Variants in NOTCH1 observed in about 807,000 individuals in gnomAD.
NOTCH1 encodes notch receptor 1.
A neutral mutation model predicts 254.8 loss-of-function variants in NOTCH1; 37 were observed. That is an observed-to-expected ratio of 0.15 (90% CI 0.11 to 0.19). The LOEUF is 0.19. Ranked by LOEUF, NOTCH1 falls within the 10% of genes least tolerant of loss-of-function variation. The pLI is 1.00. For missense variants in NOTCH1, 2,972 were observed against 3,708.6 expected, an observed-to-expected ratio of 0.80 and a Z score of 5.16; for synonymous variants, 1,731 against 1,618.1, an observed-to-expected ratio of 1.07 and a Z score of -1.68.
At chr9:136,518,444 C>A in intron 6 of NOTCH1, 147 bp downstream of exon 6, 1 of 1,150,236 alleles carries the variant, frequency 8.7e-7, no homozygotes, top group South Asian at 1.3e-5. Flanking sequence ...TTCCGGGGGA[C>A]TCACAGCGAC....
Position 136,545,666 on chromosome 9 carries a change from C to T in NOTCH1, c.61+60G>A. On this transcript the variant is annotated intron_variant, in intron 1 of 33. Coordinates refer to ENST00000651671, the MANE Select transcript of NOTCH1 (RefSeq NM_017617.5). The surrounding 1 kb of genome is among the most constrained non-coding windows in gnomAD (Gnocchi z 6.8). Reference sequence around the variant, plus strand: ...CCAGCCGTGGGGCGCGCGCGCCGGGCGCCGCCAAAGTTTCCAAAGGGCGCG... The same window carrying T: ...CCAGCCGTGGGGCGCGCGCGCCGGGTGCCGCCAAAGTTTCCAAAGGGCGCG... The T allele has an allele frequency of 1.5e-6, 2 of 1,354,118 alleles. No homozygotes were observed. The highest frequency in any genetic ancestry group is 2.0e-6 in the Non-Finnish European group (2 of 1,025,022). 83.9% of individuals were successfully genotyped at this position (1,354,118 alleles called of 1,614,324 possible).
Position 136,515,602 on chromosome 9 carries a change from T to G in NOTCH1, c.1784A>C (p.Tyr595Ser), listed in dbSNP as rs2133363856. 4 of 1,609,872 alleles carry G rather than the reference T, an allele frequency of 2.5e-6. No individual in the cohort carries two copies. Among genetic ancestry groups the G allele is most frequent in the Non-Finnish European group, 3.4e-6 (4 of 1,179,566 alleles). Residue 595 changes from tyrosine (Y) to serine (S), a missense_variant, in exon 11 of 34, where the codon TAC becomes TCC. Tyr to Ser is a moderately radical substitution (Grantham distance 144). Coordinates refer to ENST00000651671, the MANE Select transcript of NOTCH1 (RefSeq NM_017617.5). ...ATFTCLCRPGYTGHHCETNIN... is the reference protein window; with the variant it reads ...ATFTCLCRPGSTGHHCETNIN... ...GTTGGTCTCGCAGTGGTGGCCCGTG[T>G]AGCCTGGGCGGCAGAGGCAGGTGAA...
At position 136,545,696 on chromosome 9, in the gene NOTCH1, G is replaced by A. The variant is rs1843805372; in HGVS notation, c.61+30C>T. 2.8e-6 allele frequency: 4 copies of A among 1,441,550 alleles called. No homozygotes were observed. The African/African-American group carries it at 4.5e-5, about 16-fold the overall frequency. 89.3% of individuals were successfully genotyped at this position (1,441,550 alleles called of 1,614,324 possible). Reference sequence around the variant, plus strand: ...CCAAAGTTTCCAAAGGGCGCGGAAAGTGGGGGCTCGCGGGTGGGTGGGCGC... The same window carrying A: ...CCAAAGTTTCCAAAGGGCGCGGAAAATGGGGGCTCGCGGGTGGGTGGGCGC... On this transcript the variant is annotated intron_variant, in intron 1 of 33. Coordinates refer to ENST00000651671, the MANE Select transcript of NOTCH1 (RefSeq NM_017617.5). The surrounding 1 kb of genome is among the most constrained non-coding windows in gnomAD (Gnocchi z 6.8).
Position 136,533,273 on chromosome 9 carries a change from GCCC to G in NOTCH1, c.141-9297_141-9295del, listed in dbSNP as rs1340170576. 1.4e-4 allele frequency among the ~76,000 whole-genome samples: 20 copies of G among 139,210 alleles called. 1 individual carries two copies. The highest frequency in any genetic ancestry group is 1.4e-3 in the South Asian group (5 of 3,624). The allele number at this position is 139,210 out of a possible 152,430, so 91.3% of individuals were successfully genotyped here. On this transcript the variant is annotated intron_variant, in intron 2 of 33. Coordinates refer to ENST00000651671, the MANE Select transcript of NOTCH1 (RefSeq NM_017617.5). ...GTGGAGGCCCAAGGGGGGGACTCTG[GCCC>G]AGCCCCCTCCGCGCACCAGCCAGTG...
intron 2 of NOTCH1, among the ~76,000 whole-genome samples, chr9:136,527,337 G>A (rs1041268620): frequency 7.2e-5 from 11 of 152,366 alleles, no homozygotes; most frequent in Admixed American, 2.6e-4. Flanking sequence ...CAGCTTTGGC[G>A]CTGGCCACAC....
intron 2 of NOTCH1, among the ~76,000 whole-genome samples, chr9:136,534,087 T>C (rs540413882): frequency 5.3e-5 from 8 of 152,346 alleles, no homozygotes; most frequent in Non-Finnish European, 1.0e-4. Context: ...CCTGCCCTCA[T>C]GGCTGAGGGC....
In NOTCH1 at chr9:136,509,032, G is replaced by C; in HGVS notation, c.3009C>G (p.Asn1003Lys). 6.4e-7 allele frequency: 1 copy of C among 1,562,996 alleles called. No homozygotes were observed. Among genetic ancestry groups the C allele is most frequent in the South Asian group, 1.2e-5 (1 of 85,022 alleles). Residue 1003 changes from asparagine to lysine, a missense_variant, in exon 19 of 34, where the codon AAC becomes AAG. Asn to Lys is a moderately conservative substitution (Grantham distance 94). Coordinates refer to ENST00000651671, the MANE Select transcript of NOTCH1 (RefSeq NM_017617.5). The part of the protein sequence containing the change: ...FNGGTCVDGI[N>K]SFTCLCPPGF... The stretch of plus-strand genomic sequence containing the variant: ...CGGGTGGACACAGGCAGGTGAACGA[G>C]TTGATGCCGTCCACGCAGGTGCCAC...
intron 1 of NOTCH1, among the ~76,000 whole-genome samples, chr9:136,544,856 G>A (rs372352701): frequency 2.6e-5 from 4 of 151,866 alleles, no homozygotes; most frequent in African/African-American, 9.7e-5. Flanking sequence ...TCTCGAGAAG[G>A]GATCAATTAC....
chr9:136,494,974 A>G lies in NOTCH1; in HGVS notation c.*1097T>C. On this transcript the variant is annotated 3_prime_UTR_variant, in exon 34 of 34. Coordinates refer to ENST00000651671, the MANE Select transcript of NOTCH1 (RefSeq NM_017617.5). Reference sequence around the variant, plus strand: ...CTGCGGGGACAGGACCAAAGGACGCAGCCCACGGCGTTGCACAGCTCAATG... The same window carrying G: ...CTGCGGGGACAGGACCAAAGGACGCGGCCCACGGCGTTGCACAGCTCAATG... 1 of 398,874 alleles carries G rather than the reference A, an allele frequency of 2.5e-6. No individual in the cohort carries two copies. The highest frequency in any genetic ancestry group is 2.1e-5 in the African/African-American group (1 of 48,768). 24.7% of individuals were successfully genotyped at this position (398,874 alleles called of 1,614,324 possible). A position where few individuals can be genotyped will look rare whatever the true frequency, so the allele number is the denominator to read the frequency against.
At position 136,502,067 on chromosome 9, in the gene NOTCH1, G is replaced by A. The variant is rs768810954; in HGVS notation, c.5406C>T (p.Asp1802=). The change falls in exon 29 of 34, where the codon GAC becomes GAT. Residue 1802 remains aspartate (D), a synonymous_variant. Coordinates refer to ENST00000651671, the MANE Select transcript of NOTCH1 (RefSeq NM_017617.5). ...TCTGGTTGTCGTCCATGAGGGCACC[G>A]TCTGAAGCGTTCTTCAGGGGCCTGG... ...VGLKPLKNAS[D]GALMDDNQNE... is the part of the protein sequence containing the mutation. 1.3e-5 allele frequency: 21 copies of A among 1,613,128 alleles called. No individual in the cohort carries two copies. The highest frequency in any genetic ancestry group is 6.7e-5 in the East Asian group (3 of 44,876).
intron 19 of NOTCH1, 115 bp from the exon 20 acceptor site, chr9:136,508,500 A>AT: frequency 6.8e-7 from 1 of 1,478,418 alleles, no homozygotes; most frequent in South Asian, 1.1e-5. Flanking sequence ...CATTCTACAG[A>AT]AGTGGAAACT....
chr9:136,520,101 C>T (rs959212439), intron 4 of NOTCH1, among the ~76,000 whole-genome samples: 5 of 152,180 alleles, frequency 3.3e-5, no homozygotes, highest in Admixed American at 2.0e-4. Context: ...TCCTCCTCCA[C>T]AGGCTGCCAG....
At position 136,545,169 on chromosome 9, in the gene NOTCH1, A is replaced by G. The variant is rs1470242834; in HGVS notation, c.61+557T>C. On this transcript the variant is annotated intron_variant, in intron 1 of 33. Coordinates refer to ENST00000651671, the MANE Select transcript of NOTCH1 (RefSeq NM_017617.5). The surrounding 1 kb of genome is among the most constrained non-coding windows in gnomAD (Gnocchi z 6.8). ...TACGCAACCCCTCCCCCAAACTGAGAGCCGGGCTGGGGGGCACCGGCGGGC... is the reference window on the plus strand; with the variant it reads ...TACGCAACCCCTCCCCCAAACTGAGGGCCGGGCTGGGGGGCACCGGCGGGC... Among the ~76,000 whole-genome samples the G allele has an allele frequency of 6.6e-6, 1 of 150,616 alleles. No homozygotes were observed. Among genetic ancestry groups the G allele is most frequent in the African/African-American group, 2.4e-5 (1 of 40,878 alleles).
At chr9:136,501,394 A>G (rs1246832466) in intron 30 of NOTCH1, among the ~76,000 whole-genome samples, 3 of 151,504 alleles carry the variant, frequency 2.0e-5, no homozygotes, top group African/African-American at 7.3e-5. Flanking sequence ...AGATCGTGCC[A>G]CTGCACTCCA....
In NOTCH1 at chr9:136,504,720, G is replaced by A. The variant is rs367838230; in HGVS notation, c.4971C>T (p.Ser1657=). ...QVKASLLPGG[S]EGGRRRRELD... is the part of the protein sequence containing the mutation. ...GCTCCCTCCGCCGCCGCCCACCCTC[G>A]CTGCCACCAGGGAGCAGCGAGGCCT... The change falls in exon 26 of 34, where the codon AGC becomes AGT. Residue 1657 remains serine (S), a synonymous_variant. Transcript: ENST00000651671. The A allele has an allele frequency of 3.5e-5, 54 of 1,540,806 alleles. No individual in the cohort carries two copies. The African/African-American group carries it at 5.8e-4, about 16-fold the overall frequency.
chr9:136,498,872 C>T (rs756340668), intron 33 of NOTCH1, 27 bp downstream of exon 33: 2 of 1,611,830 alleles, frequency 1.2e-6, no homozygotes, highest in Admixed American at 1.7e-5. Context: ...CCTCACGTCT[C>T]CCCTGGCATC....
At position 136,519,536 on chromosome 9, in the gene NOTCH1, T is replaced by C; in HGVS notation, c.772A>G (p.Ile258Val). Residue 258 changes from isoleucine (I) to valine (V), a missense_variant, in exon 5 of 34, where the codon ATC (isoleucine) becomes GTC (valine). This residue lies in a region of NOTCH1 where 374 missense variants were observed against 496.3 expected (regional missense o/e 0.75). Transcript: ENST00000651671. ...CAGTTGTTTCCTGGACAATCGTCGA[T>C]ATTTTCCTCACAGTTCTGGCCGGTG... The part of the protein sequence containing the change: ...GFTGQNCEEN[I>V]DDCPGNNCKN... 2 of 1,612,962 alleles carry C rather than the reference T, an allele frequency of 1.2e-6. No individual in the cohort carries two copies. The highest frequency in any genetic ancestry group is 1.3e-5 in the African/African-American group (1 of 75,060).
intron 1 of NOTCH1, among the ~76,000 whole-genome samples, chr9:136,544,955 A>G (rs1349208445): frequency 2.0e-5 from 3 of 152,088 alleles, no homozygotes; most frequent in East Asian, 1.9e-4. Context: ...GAGGACAGAT[A>G]ATTCTCGCCT....
rs1294066789 is a variant in NOTCH1, at chr9:136,497,549, G to A, written c.6190C>T (p.Pro2064Ser). ...CCCTCCCGGGCGGCCAGAAACAGGG[G>A]TGTCTCCTCCTGGGGGATGAGGGCG... ...KDMQNNREETPLFLAAREGSY... is the reference protein window; with the variant it reads ...KDMQNNREETSLFLAAREGSY... The change falls in exon 34 of 34, where the codon CCC (proline) becomes TCC (serine). Residue 2064 changes from proline to serine, a missense_variant. By Grantham distance (74) the Pro-to-Ser change is moderately conservative. This residue lies in a region of NOTCH1 where 421 missense variants were observed against 604.4 expected (regional missense o/e 0.70). Coordinates refer to ENST00000651671, the MANE Select transcript of NOTCH1 (RefSeq NM_017617.5). The A allele has an allele frequency of 6.2e-7, 1 of 1,601,968 alleles. No homozygotes were observed. The highest frequency in any genetic ancestry group is 8.5e-7 in the Non-Finnish European group (1 of 1,175,198).
Sources: gnomAD v4.1 joint callset for allele counts (sites outside exome capture counted in the v4.1 genomes callset) on GRCh38, gnomAD v4.1.1 for gene constraint, gnomAD v4.1.1 regional missense constraint, Gnocchi (gnomAD v3.1) non-coding constraint, MANE v1.5 for transcripts, NCBI Gene and HGNC (gene_info 2026-07-23, HGNC 2026-07-21) for gene names.